The following EEPD1 variants were observed in gnomAD, a reference collection of about 807,000 sequenced individuals.
EEPD1 encodes the protein endonuclease/exonuclease/phosphatase family domain-containing protein 1.
EEPD1 carries 17 observed loss-of-function variants against 46.3 expected under a neutral mutation model. The observed-to-expected ratio is 0.37, with a 90% CI of 0.25 to 0.55. The LOEUF (loss-of-function observed/expected upper bound fraction) is 0.55, where lower values mean the gene tolerates loss of function less well. Ranked by LOEUF, EEPD1 falls within the 20% of genes least tolerant of loss-of-function variation. The pLI is 0.83. For missense variants in EEPD1, 673 were observed against 745.6 expected (o/e 0.90, Z 1.13); for synonymous variants, 313 against 315.6 (o/e 0.99, Z 0.09).
rs916409540 is a variant in EEPD1 at position 36,239,304 on chromosome 7, A to G, written c.930+268A>G. 6.6e-5 allele frequency among the ~76,000 whole-genome samples: 10 copies of G among 152,122 alleles called. 1 individual carries two copies. The South Asian group carries it at 1.2e-3, about 19-fold the overall frequency. On this transcript the variant is annotated intron_variant, in intron 3 of 7. Transcript: ENST00000242108. The stretch of plus-strand genomic sequence containing the variant: ...GCAGAGGCCCGTGCTGCAAGGGGCC[A>G]TACTCTGGAGGAGGCTTTCTGTGCT...
At chr7:36,261,355 C>T (rs938291644) in intron 3 of EEPD1, among the ~76,000 whole-genome samples, 7 of 152,176 alleles carry the variant, frequency 4.6e-5, no homozygotes, top group Non-Finnish European at 1.0e-4. Context: ...ATATCCTAAG[C>T]ACTTTTCCCT....
At chr7:36,241,622 T>G (rs892649391) in intron 3 of EEPD1, among the ~76,000 whole-genome samples, 2 of 151,616 alleles carry the variant, frequency 1.3e-5, no homozygotes, top group Non-Finnish European at 2.9e-5. Flanking sequence ...ATCCCAGCGC[T>G]TTGGGAGGCT....
At chr7:36,237,617 A>C (rs896049955) in intron 2 of EEPD1, among the ~76,000 whole-genome samples, 2 of 152,174 alleles carry the variant, frequency 1.3e-5, no homozygotes, top group Admixed American at 1.3e-4. Flanking sequence ...AAGTCTATAA[A>C]GTGAAAGCAA....
intron 7 of EEPD1, 98 bp downstream of exon 7, chr7:36,297,285 C>A: frequency 7.4e-7 from 1 of 1,349,818 alleles, no homozygotes. Context: ...CTGAGGCATA[C>A]ATAGGATTGT....
intron 4 of EEPD1, among the ~76,000 whole-genome samples, chr7:36,282,754 G>T (rs150649956): frequency 3.3e-5 from 5 of 152,366 alleles, no homozygotes; most frequent in Non-Finnish European, 7.3e-5. Flanking sequence ...CGCCTGCAGT[G>T]GACTGAGAGA....
At chr7:36,297,320 AT>A in intron 7 of EEPD1, 133 bp downstream of exon 7, 1 of 1,022,362 alleles carries the variant, frequency 9.8e-7, no homozygotes, top group Non-Finnish European at 1.4e-6. Flanking sequence ...TATAACTGTC[AT>A]TTAATCAGAG....
intron 2 of EEPD1, among the ~76,000 whole-genome samples, chr7:36,237,759 T>C (rs1786481397): frequency 6.6e-6 from 1 of 152,160 alleles, no homozygotes; most frequent in Non-Finnish European, 1.5e-5. Flanking sequence ...AAGACCCGCC[T>C]GGCCAACATG....
rs758642317 is a variant in EEPD1, at chr7:36,281,077, G to A, written c.931-38G>A. On this transcript the variant is annotated intron_variant, in intron 3 of 7. Coordinates refer to ENST00000242108, the MANE Select transcript of EEPD1 (RefSeq NM_030636.3). ...GCCGCCAGCCGGGACTGCTTTAGGC[G>A]CGAACCCACGCTTCTGACCTGTGCT... 13 of 1,596,544 alleles carry A rather than the reference G, an allele frequency of 8.1e-6. No homozygotes were observed. The Admixed American group carries it at 1.3e-4, about 16-fold the overall frequency.
chr7:36,188,677 A>G (rs187591635), intron 2 of EEPD1, among the ~76,000 whole-genome samples: 91 of 152,328 alleles, frequency 6.0e-4, no homozygotes, highest in African/African-American at 2.1e-3. Flanking sequence ...CATCAAGTAA[A>G]TAGATGGTGA....
At chr7:36,156,388 A>C (rs1480924459) in intron 2 of EEPD1, among the ~76,000 whole-genome samples, 1 of 152,138 alleles carries the variant, frequency 6.6e-6, no homozygotes, top group East Asian at 1.9e-4. Context: ...CTCTCCCTGC[A>C]CTGCTGTGTC....
intron 3 of EEPD1, among the ~76,000 whole-genome samples, chr7:36,275,684 A>G (rs1322533312): frequency 6.6e-6 from 1 of 151,866 alleles, no homozygotes; most frequent in Admixed American, 6.6e-5. Context: ...CTGGGCTCAA[A>G]CTCCTGACCT....
chr7:36,171,917 C>G (rs1785090176), intron 2 of EEPD1, among the ~76,000 whole-genome samples: 1 of 152,202 alleles, frequency 6.6e-6, no homozygotes, highest in African/African-American at 2.4e-5. Context: ...CAAGACCAAA[C>G]TGTGAAGTTC....
At chr7:36,244,370 A>G (rs1042342246) in intron 3 of EEPD1, among the ~76,000 whole-genome samples, 31 of 152,262 alleles carry the variant, frequency 2.0e-4, no homozygotes, top group Non-Finnish European at 4.1e-4. Context: ...TAAATTATGT[A>G]AAACCTAATA....
chr7:36,283,448 A>C (rs1787292146), intron 4 of EEPD1, among the ~76,000 whole-genome samples: 1 of 152,146 alleles, frequency 6.6e-6, no homozygotes, highest in Non-Finnish European at 1.5e-5. Context: ...GCTTTAGGTA[A>C]GTTACTCTGG....
At chr7:36,268,128 C>A (rs946733989) in intron 3 of EEPD1, among the ~76,000 whole-genome samples, 1 of 152,034 alleles carries the variant, frequency 6.6e-6, no homozygotes, top group African/African-American at 2.4e-5. Context: ...CCAGGATGGC[C>A]CCCGTTTGGT....
At chr7:36,264,377 C>T (rs1786979253) in intron 3 of EEPD1, among the ~76,000 whole-genome samples, 1 of 152,214 alleles carries the variant, frequency 6.6e-6, no homozygotes, top group Non-Finnish European at 1.5e-5. Context: ...TTAACTACTT[C>T]AGCCCTGCAT....
At chr7:36,257,784 G>A (rs196558) in intron 3 of EEPD1, among the ~76,000 whole-genome samples, 18,767 of 152,134 alleles carry the variant, frequency 0.12, 1,571 homozygotes, top group Non-Finnish European at 0.18. Context: ...CCTTTAGCTC[G>A]GAGGAGTTTG....
chr7:36,289,040 T>C (rs546464740), intron 6 of EEPD1, among the ~76,000 whole-genome samples: 7 of 152,310 alleles, frequency 4.6e-5, no homozygotes, highest in Admixed American at 1.3e-4. Context: ...AATTGGGAGA[T>C]TCATGAAGAT....
chr7:36,272,506 G>GTTGTTT (rs760638364), intron 3 of EEPD1, among the ~76,000 whole-genome samples: 5 of 130,470 alleles, frequency 3.8e-5, no homozygotes, highest in Admixed American at 8.2e-5. Flanking sequence ...TTTTGTTGTT[G>GTTGTTT]TTTTTTTTTT....
Sources: allele counts gnomAD v4.1 joint callset (sites outside exome capture counted in the v4.1 genomes callset), GRCh38; gene constraint gnomAD v4.1.1; transcripts MANE v1.5; gene names NCBI Gene and HGNC (gene_info 2026-07-23, HGNC 2026-07-21).